IFT57: variants seen among roughly 807,000 people sequenced by gnomAD.
IFT57 encodes intraflagellar transport 57, also known as intraflagellar transport protein 57 homolog.
A neutral mutation model predicts 56.8 loss-of-function variants in IFT57; 59 were observed. The observed-to-expected ratio is 1.04, with a 90% CI of 0.84 to 1.29. The LOEUF is 1.29. Ranked by LOEUF, IFT57 falls within the 50% of genes most tolerant of loss-of-function variation. The pLI, the probability that IFT57 is intolerant of heterozygous loss-of-function variation, is 0.00. For synonymous variants in IFT57, 209 were observed against 186.1 expected, an observed-to-expected ratio of 1.12 and a Z score of -1.00; for missense variants, 470 against 522.1, an observed-to-expected ratio of 0.90 and a Z score of 0.97.
chr3:108,190,154 G>T (rs900509046), intron 6 of IFT57, among the ~76,000 whole-genome samples: 2 of 152,170 alleles, frequency 1.3e-5, no homozygotes, highest in Non-Finnish European at 2.9e-5. Context: ...CTACTAGGTG[G>T]AAGGGACTTG....
At chr3:108,188,865 C>T (rs930264597) in intron 6 of IFT57, among the ~76,000 whole-genome samples, 3 of 152,052 alleles carry the variant, frequency 2.0e-5, no homozygotes, top group Non-Finnish European at 4.4e-5. Context: ...AATCAATAAC[C>T]GCAATCTAAA....
chr3:108,187,218 T>C (rs2080188984), intron 6 of IFT57, among the ~76,000 whole-genome samples: 1 of 152,212 alleles, frequency 6.6e-6, no homozygotes, highest in Non-Finnish European at 1.5e-5. Flanking sequence ...ATTATTTGTA[T>C]TCTTGGCAAC....
chr3:108,182,995 C>T (rs1445253481), intron 6 of IFT57, among the ~76,000 whole-genome samples: 1 of 152,026 alleles, frequency 6.6e-6, no homozygotes, highest in Admixed American at 6.6e-5. Flanking sequence ...TTTTTCATTG[C>T]ATTAAATGCC....
At chr3:108,178,999 C>A (rs757954890) in intron 6 of IFT57, among the ~76,000 whole-genome samples, 3 of 151,716 alleles carry the variant, frequency 2.0e-5, no homozygotes, top group Admixed American at 2.0e-4. Flanking sequence ...CAGCATTATG[C>A]ATAATAGTCC....
intron 5 of IFT57, among the ~76,000 whole-genome samples, chr3:108,192,893 G>A (rs986293203): frequency 7.5e-6 from 1 of 132,574 alleles, no homozygotes; most frequent in Admixed American, 8.0e-5. Flanking sequence ...ATTTACAGAT[G>A]AATTGACAAA....
chr3:108,211,651 C>A (rs558425526), intron 4 of IFT57, among the ~76,000 whole-genome samples: 4 of 152,310 alleles, frequency 2.6e-5, no homozygotes, highest in Admixed American at 2.0e-4. Context: ...CTTTAAAATC[C>A]ATCACATTAA....
chr3:108,172,015 G>T (rs1024240058), intron 6 of IFT57, among the ~76,000 whole-genome samples: 10 of 151,760 alleles, frequency 6.6e-5, no homozygotes, highest in Admixed American at 5.3e-4. Flanking sequence ...AATAGTTTGT[G>T]TTCTGCTATT....
chr3:108,205,970 AT>A (rs1287625686), intron 5 of IFT57, among the ~76,000 whole-genome samples: 8,900 of 78,680 alleles, frequency 0.11, 367 homozygotes, highest in Non-Finnish European at 0.14. Flanking sequence ...TATATTATAT[AT>A]TTATATATAA....
At chr3:108,207,684 T>C (rs927098313) in intron 4 of IFT57, among the ~76,000 whole-genome samples, 4 of 152,188 alleles carry the variant, frequency 2.6e-5, no homozygotes, top group African/African-American at 7.2e-5. Context: ...AGAGCAGCAG[T>C]ATCAGCATCA....
rs185728533 is a variant in IFT57, at chr3:108,198,527, C to T, written c.655-6884G>A. On this transcript the variant is annotated intron_variant, in intron 5 of 10. Transcript: ENST00000264538. ...CATGATCTCGGCTCACTGCAGCCTC[C>T]GCCTCCAGGGTTTAAGTGATTCTCC... 2.2e-4 allele frequency among the ~76,000 whole-genome samples: 34 copies of T among 152,042 alleles called. No individual in the cohort carries two copies. The East Asian group carries it at 3.9e-3, about 17-fold the overall frequency.
intron 3 of IFT57, among the ~76,000 whole-genome samples, chr3:108,214,630 T>C (rs533044485): frequency 9.1e-4 from 139 of 152,270 alleles, no homozygotes; most frequent in African/African-American, 3.0e-3. Flanking sequence ...TAATACAAAC[T>C]TTAATTTTAG....
intron 6 of IFT57, among the ~76,000 whole-genome samples, chr3:108,190,819 A>G (rs2080211195): frequency 1.3e-5 from 2 of 152,158 alleles, no homozygotes; most frequent in Non-Finnish European, 2.9e-5. Context: ...TAGAGATGGA[A>G]TCTCGCTCTG....
At chr3:108,198,911 C>T (rs910360704) in intron 5 of IFT57, among the ~76,000 whole-genome samples, 1 of 152,100 alleles carries the variant, frequency 6.6e-6, no homozygotes, top group Non-Finnish European at 1.5e-5. Flanking sequence ...ATTTGCATTG[C>T]TTCATATACT....
chr3:108,173,808 G>GTGTGTGTGTGTGTA (rs771647277), intron 6 of IFT57, among the ~76,000 whole-genome samples: 91 of 127,128 alleles, frequency 7.2e-4, no homozygotes, highest in Middle Eastern at 4.6e-3. Context: ...GTGTGTGTGT[G>GTGTGTGTGTGTGTA]TATATAATAT....
intron 3 of IFT57, among the ~76,000 whole-genome samples, chr3:108,216,279 C>A (rs562120704): frequency 2.0e-5 from 3 of 152,136 alleles, no homozygotes; most frequent in Non-Finnish European, 4.4e-5. Flanking sequence ...AAAACAACAA[C>A]AAAAAAACTA....
In IFT57 at chr3:108,168,741, G is replaced by A. The variant is rs151239217; in HGVS notation, c.778-877C>T. Among the ~76,000 whole-genome samples the A allele has an allele frequency of 4.6e-3, 698 of 152,048 alleles. 3 individuals carry two copies. Among genetic ancestry groups the A allele is most frequent in the African/African-American group, 0.016 (657 of 41,488 alleles). ...CTCCCACTTATGAGTGAGAACATGC[G>A]GTGTTTGGTTTTCTGTTCCTGTGTT... On this transcript the variant is annotated intron_variant, in intron 6 of 10. Coordinates refer to ENST00000264538, the MANE Select transcript of IFT57 (RefSeq NM_018010.4).
chr3:108,165,421 C>T lies in IFT57; in HGVS notation c.1044+10G>A. 6.2e-7 allele frequency: 1 copy of T among 1,610,094 alleles called. No individual in the cohort carries two copies. ...CAGGTGAGAAGCAGGGCAAGAGCAT[C>T]AGTGTGTACCTCAGAGAGGAGTCTG... On this transcript the variant is annotated intron_variant, in intron 9 of 10. Transcript: ENST00000264538.
At chr3:108,173,251 G>A (rs973552858) in intron 6 of IFT57, among the ~76,000 whole-genome samples, 1 of 149,602 alleles carries the variant, frequency 6.7e-6, no homozygotes, top group Non-Finnish European at 1.5e-5. Context: ...ACAAACATAT[G>A]CAAACACACA....
chr3:108,187,487 T>C (rs1041536569), intron 6 of IFT57, among the ~76,000 whole-genome samples: 1 of 151,826 alleles, frequency 6.6e-6, no homozygotes, highest in Non-Finnish European at 1.5e-5. Context: ...CTAGGAAGCA[T>C]AAAAAGAATA....
Sources: gnomAD v4.1 joint callset for allele counts (sites outside exome capture counted in the v4.1 genomes callset) on GRCh38, gnomAD v4.1.1 for gene constraint, MANE v1.5 for transcripts, NCBI Gene and HGNC (gene_info 2026-07-23, HGNC 2026-07-21) for gene names.